The following PIK3C3 variants were observed in gnomAD, a reference collection of about 807,000 sequenced individuals.
PIK3C3 encodes the protein PI3-kinase type 3.
In PIK3C3, 95 loss-of-function variants were observed where a neutral mutation model predicts 126.1. The ratio of observed to expected loss-of-function variants is 0.75; its 90% CI spans 0.64 to 0.89. The LOEUF (loss-of-function observed/expected upper bound fraction) is 0.89. Among genes scored for constraint, PIK3C3 ranks in the 40% least tolerant of loss-of-function variants. The pLI is 0.00. For missense variants in PIK3C3, 829 were observed against 1,063.2 expected (o/e 0.78, Z 3.06); for synonymous variants, 374 against 360.0 (o/e 1.04, Z -0.44).
intron 3 of PIK3C3, among the ~76,000 whole-genome samples, chr18:41,969,325 T>C (rs1980536763): frequency 6.6e-6 from 1 of 152,174 alleles, no homozygotes; most frequent in African/African-American, 2.4e-5. Context: ...TGTTCAAAAA[T>C]ATTTTTTTGA....
intron 10 of PIK3C3, among the ~76,000 whole-genome samples, chr18:42,007,307 T>A (rs1474241126): frequency 6.6e-6 from 1 of 152,208 alleles, no homozygotes; most frequent in African/African-American, 2.4e-5. Context: ...TCCTTTATAA[T>A]ACTTTAAATA....
chr18:42,016,832 A>G (rs1435295894), intron 12 of PIK3C3, among the ~76,000 whole-genome samples: 1 of 151,960 alleles, frequency 6.6e-6, no homozygotes, highest in Non-Finnish European at 1.5e-5. Flanking sequence ...CATTAGTCCG[A>G]ATGAGTTTTC....
At chr18:42,049,726 C>CA (rs1984713359) in intron 21 of PIK3C3, 121 bp downstream of exon 21, 10 of 739,594 alleles carry the variant, frequency 1.4e-5, no homozygotes, top group South Asian at 1.3e-4. Flanking sequence ...GTAATCCCAG[C>CA]ACTTTGGGAG....
chr18:42,021,426 G>A (rs972754052), intron 13 of PIK3C3, among the ~76,000 whole-genome samples: 6 of 152,002 alleles, frequency 3.9e-5, no homozygotes, highest in Non-Finnish European at 8.8e-5. Context: ...GCCACAATCA[G>A]AAATATTTTG....
At chr18:42,032,833 ATTTTAACTT>A (rs1427907438) in intron 15 of PIK3C3, among the ~76,000 whole-genome samples, 4 of 152,174 alleles carry the variant, frequency 2.6e-5, no homozygotes, top group Non-Finnish European at 5.9e-5. Flanking sequence ...TTTTCAGTTG[ATTTTAACTT>A]GAACTTTTCA....
chr18:42,037,944 C>G (rs755739890), intron 17 of PIK3C3, 124 bp downstream of exon 17: 1 of 866,914 alleles, frequency 1.2e-6, no homozygotes, highest in East Asian at 2.5e-5. Flanking sequence ...GAAAGCTCAA[C>G]AGTCTCCACT....
Position 41,970,445 on chromosome 18 carries a change from C to T in PIK3C3, c.520C>T (p.Arg174Cys), listed in dbSNP as rs774626618. 1.9e-5 allele frequency: 31 copies of T among 1,613,652 alleles called. No homozygotes were observed. Among genetic ancestry groups the T allele is most frequent in the Non-Finnish European group, 2.3e-5 (27 of 1,179,896 alleles). The change falls in exon 4 of 25, where the codon CGT becomes TGT. Residue 174 changes from arginine to cysteine, a missense_variant. Around this residue, in one of 4 missense-constraint regions of PIK3C3, gnomAD observed 313 missense variants for 340.7 expected, o/e 0.92. Transcript: ENST00000262039. Reference protein sequence around the residue: ...SSTLSEDQMSRLAKLTKAHRQ... With the variant: ...SSTLSEDQMSCLAKLTKAHRQ... ...CACTCTCTCAGAAGATCAGATGAGC[C>T]GTCTTGCCAAGGTAAAAAAAGTCAT...
At chr18:41,973,495 C>T (rs571207234) in intron 4 of PIK3C3, among the ~76,000 whole-genome samples, 2 of 152,038 alleles carry the variant, frequency 1.3e-5, no homozygotes, top group Admixed American at 1.3e-4. Context: ...GAGTATACTT[C>T]GGTACTTACA....
intron 23 of PIK3C3, 81 bp from the exon 24 acceptor site, chr18:42,067,307 T>C (rs1462072670): frequency 3.2e-6 from 4 of 1,238,998 alleles, no homozygotes; most frequent in East Asian, 2.3e-5. Flanking sequence ...TACCTTATAA[T>C]GTCTGCATCA....
At chr18:42,080,823 T>A (rs1364321403) in intron 24 of PIK3C3, among the ~76,000 whole-genome samples, 1 of 152,192 alleles carries the variant, frequency 6.6e-6, no homozygotes, top group African/African-American at 2.4e-5. Context: ...GTGGAATTTT[T>A]GCCTTCCTAG....
At chr18:42,023,174 A>G (rs1983402346) in intron 13 of PIK3C3, among the ~76,000 whole-genome samples, 1 of 152,230 alleles carries the variant, frequency 6.6e-6, no homozygotes, top group East Asian at 1.9e-4. Flanking sequence ...TTTATAGTCT[A>G]GAGTATTCAC....
intron 3 of PIK3C3, among the ~76,000 whole-genome samples, chr18:41,965,836 C>T (rs1472662479): frequency 6.6e-6 from 1 of 152,174 alleles, no homozygotes; most frequent in Non-Finnish European, 1.5e-5. Context: ...AAATCAGTAG[C>T]ACTTGTTCTA....
intron 16 of PIK3C3, among the ~76,000 whole-genome samples, chr18:42,034,889 A>T (rs1470554853): frequency 6.6e-6 from 1 of 152,220 alleles, no homozygotes; most frequent in Non-Finnish European, 1.5e-5. Flanking sequence ...TTTTTAAAAA[A>T]GTGTGTTTCA....
intron 22 of PIK3C3, chr18:42,059,748 T>C (rs1243578170): frequency 6.6e-6 from 1 of 151,990 alleles, no homozygotes; most frequent in Non-Finnish European, 1.5e-5. Context: ...TAATATTATC[T>C]GGACCTAAAT....
intron 4 of PIK3C3, among the ~76,000 whole-genome samples, chr18:41,984,641 G>A (rs2064344980): frequency 1.3e-5 from 2 of 152,108 alleles, no homozygotes. Context: ...GTGATAGCTA[G>A]TTCTAGACTT....
At chr18:42,029,195 C>G in intron 14 of PIK3C3, 130 bp from the exon 15 acceptor site, 2 of 608,922 alleles carry the variant, frequency 3.3e-6, no homozygotes, top group Admixed American at 2.5e-5. Context: ...TCAAGATAAT[C>G]TTTTTCAGTT....
intron 20 of PIK3C3, among the ~76,000 whole-genome samples, chr18:42,046,532 T>C (rs971209228): frequency 6.6e-6 from 1 of 152,146 alleles, no homozygotes; most frequent in African/African-American, 2.4e-5. Context: ...AATTTCAAGA[T>C]GTTTTGTATC....
At chr18:41,961,673 G>A (rs34170832) in intron 2 of PIK3C3, among the ~76,000 whole-genome samples, 2 of 152,084 alleles carry the variant, frequency 1.3e-5, no homozygotes, top group Admixed American at 1.3e-4. Flanking sequence ...GTGTCTGCTA[G>A]GTATTAGTTT....
At chr18:41,971,158 A>C (rs1028370903) in intron 4 of PIK3C3, 1 of 152,956 alleles carries the variant, frequency 6.5e-6, no homozygotes, top group African/African-American at 2.4e-5. Flanking sequence ...ACTTCCTTTC[A>C]CAAAGCACTG....
Sources: allele counts gnomAD v4.1 joint callset (sites outside exome capture counted in the v4.1 genomes callset), GRCh38; gene constraint gnomAD v4.1.1; regional missense constraint gnomAD v4.1.1; transcripts MANE v1.5; gene names NCBI Gene and HGNC (gene_info 2026-07-23, HGNC 2026-07-21).